B3GALT1: variants seen among roughly 807,000 people sequenced by gnomAD.
B3GALT1 encodes UDP-Gal:betaGlcNAc beta 1,3-galactosyltransferase, polypeptide 1.
B3GALT1 carries 10 observed loss-of-function variants against 23.2 expected under a neutral mutation model. That is an observed-to-expected ratio of 0.43 (90% CI 0.27 to 0.73). The LOEUF (loss-of-function observed/expected upper bound fraction) is 0.73, where lower values mean the gene tolerates loss of function less well. Among genes scored for constraint, B3GALT1 ranks in the 30% least tolerant of loss-of-function variants. The pLI is 0.21. For synonymous variants in B3GALT1, 156 were observed against 141.5 expected (o/e 1.10, Z -0.73); for missense variants, 299 against 405.4 (o/e 0.74, Z 2.25).
intron 1 of B3GALT1, among the ~76,000 whole-genome samples, chr2:167,320,109 G>A (rs1024875061): frequency 3.3e-5 from 5 of 151,570 alleles, no homozygotes; most frequent in Admixed American, 2.6e-4. Flanking sequence ...TAACAGTTAA[G>A]TCGAAGAATA....
intron 1 of B3GALT1, among the ~76,000 whole-genome samples, chr2:167,366,290 T>C (rs916311503): frequency 1.3e-5 from 2 of 152,208 alleles, no homozygotes; most frequent in African/African-American, 4.8e-5. Flanking sequence ...AATTTTCTTT[T>C]ATATAGGTAG....
chr2:167,770,346 CCTTAAAGACTAATGAAATTGGG>C (rs1205132892), intron 3 of B3GALT1, among the ~76,000 whole-genome samples: 2 of 152,072 alleles, frequency 1.3e-5, no homozygotes, highest in African/African-American at 2.4e-5. Flanking sequence ...ATTTGCAGTT[CCTTAAAGACTAATGAAATTGGG>C]CTTAAAGACT....
chr2:167,744,684 C>T (rs1489835916), intron 3 of B3GALT1, among the ~76,000 whole-genome samples: 2 of 152,036 alleles, frequency 1.3e-5, no homozygotes, highest in Non-Finnish European at 2.9e-5. Context: ...CTCCACCTCC[C>T]GAGTTCAAGC....
intron 3 of B3GALT1, among the ~76,000 whole-genome samples, chr2:167,780,876 A>C (rs1688234595): frequency 6.6e-6 from 1 of 152,214 alleles, no homozygotes; most frequent in Non-Finnish European, 1.5e-5. Flanking sequence ...TTTTGGAGTG[A>C]TGAACATATT....
intron 2 of B3GALT1, among the ~76,000 whole-genome samples, chr2:167,540,945 A>C (rs1238431743): frequency 6.6e-6 from 1 of 152,018 alleles, no homozygotes; most frequent in African/African-American, 2.4e-5. Context: ...TAAATCAATC[A>C]TTAAAACAAC....
At chr2:167,468,333 A>G (rs542937180) in intron 1 of B3GALT1, among the ~76,000 whole-genome samples, 1 of 152,314 alleles carries the variant, frequency 6.6e-6, no homozygotes, top group South Asian at 2.1e-4. Context: ...CTTTCTCGTA[A>G]CATAAATATA....
Position 167,574,622 on chromosome 2 carries a change from C to T in B3GALT1, c.-409-72287C>T, listed in dbSNP as rs1413653035. On this transcript the variant is annotated intron_variant, in intron 2 of 4. Transcript: ENST00000392690. ...TATTGAATTTCTCAAATTTTCTCAT[C>T]ATTTTCTGTATTAAGCTCAAATTAT... Among the ~76,000 whole-genome samples, 6 of 151,694 alleles carry T rather than the reference C, an allele frequency of 4.0e-5. No individual in the cohort carries two copies. The East Asian group carries it at 1.2e-3, about 29-fold the overall frequency.
At chr2:167,495,894 A>G (rs1026798036) in intron 2 of B3GALT1, among the ~76,000 whole-genome samples, 1 of 152,210 alleles carries the variant, frequency 6.6e-6, no homozygotes, top group African/African-American at 2.4e-5. Context: ...ATTAATGTTT[A>G]TTAAAAGGAA....
chr2:167,359,122 C>A (rs968293681), intron 1 of B3GALT1, among the ~76,000 whole-genome samples: 1 of 152,010 alleles, frequency 6.6e-6, no homozygotes, highest in Non-Finnish European at 1.5e-5. Flanking sequence ...TTTTTTAAAG[C>A]AACAGTCATA....
At chr2:167,444,448 G>A (rs780173425) in intron 1 of B3GALT1, among the ~76,000 whole-genome samples, 55 of 152,314 alleles carry the variant, frequency 3.6e-4, no homozygotes, top group Non-Finnish European at 7.1e-4. Flanking sequence ...AATGGTACCA[G>A]CTCCTCCTTG....
At chr2:167,781,300 A>G (rs1474910691) in intron 3 of B3GALT1, among the ~76,000 whole-genome samples, 1 of 152,150 alleles carries the variant, frequency 6.6e-6, no homozygotes, top group Non-Finnish European at 1.5e-5. Context: ...CACAGCAAAG[A>G]ATGTTTTTAA....
intron 2 of B3GALT1, among the ~76,000 whole-genome samples, chr2:167,521,913 C>T (rs1441482802): frequency 6.7e-6 from 1 of 148,922 alleles, no homozygotes; most frequent in Non-Finnish European, 1.5e-5. Flanking sequence ...ATATTGTAGA[C>T]ACAAAGCAAT....
chr2:167,352,742 A>G (rs552297517), intron 1 of B3GALT1, among the ~76,000 whole-genome samples: 3 of 123,412 alleles, frequency 2.4e-5, no homozygotes, highest in Admixed American at 8.6e-5. Flanking sequence ...AAAACAAACA[A>G]ACTGTACCAA....
intron 1 of B3GALT1, among the ~76,000 whole-genome samples, chr2:167,441,171 C>T (rs1698887520): frequency 6.6e-6 from 1 of 152,152 alleles, no homozygotes; most frequent in African/African-American, 2.4e-5. Flanking sequence ...GACTAGTTCA[C>T]ATTCAAGGTT....
intron 1 of B3GALT1, among the ~76,000 whole-genome samples, chr2:167,349,048 G>A (rs1449881908): frequency 6.6e-6 from 1 of 152,164 alleles, no homozygotes; most frequent in East Asian, 1.9e-4. Context: ...ATAGTGTATT[G>A]AAATATGAAA....
chr2:167,376,140 T>C (rs927728532), intron 1 of B3GALT1, among the ~76,000 whole-genome samples: 5 of 152,222 alleles, frequency 3.3e-5, no homozygotes, highest in African/African-American at 1.2e-4. Flanking sequence ...GATTTATATA[T>C]GTCGAACCAT....
At chr2:167,352,203 G>A (rs1185435469) in intron 1 of B3GALT1, among the ~76,000 whole-genome samples, 3 of 146,692 alleles carry the variant, frequency 2.0e-5, no homozygotes, top group African/African-American at 5.0e-5. Flanking sequence ...TCCTGACCTC[G>A]TGATCCGCCC....
At chr2:167,562,235 G>A (rs1048495638) in intron 2 of B3GALT1, among the ~76,000 whole-genome samples, 3 of 152,242 alleles carry the variant, frequency 2.0e-5, no homozygotes, top group South Asian at 2.1e-4. Flanking sequence ...ATGCAGAAAA[G>A]GCCTTTGACA....
chr2:167,409,416 T>C (rs1574067708), intron 1 of B3GALT1, among the ~76,000 whole-genome samples: 1 of 152,162 alleles, frequency 6.6e-6, no homozygotes, highest in East Asian at 1.9e-4. Context: ...TCTTTTAACA[T>C]AGTCCCATAT....
Sources: allele counts gnomAD v4.1 joint callset (sites outside exome capture counted in the v4.1 genomes callset), GRCh38; gene constraint gnomAD v4.1.1; transcripts MANE v1.5; gene names NCBI Gene and HGNC (gene_info 2026-07-23, HGNC 2026-07-21).